Variants in DIS3L2 observed in about 807,000 individuals in gnomAD.
DIS3L2 encodes DIS3 like 3'-5' exoribonuclease 2.
DIS3L2 carries 34 observed loss-of-function variants against 97.5 expected under a neutral mutation model. That is an observed-to-expected ratio of 0.35 (90% CI 0.27 to 0.46). DIS3L2 has a LOEUF of 0.46. Among genes scored for constraint, DIS3L2 ranks in the 20% least tolerant of loss-of-function variants. DIS3L2 has a pLI of 1.00. For synonymous variants in DIS3L2, 435 were observed against 445.2 expected (o/e 0.98, Z 0.29); for missense variants, 1,038 against 1,146.0 (o/e 0.91, Z 1.36).
At chr2:232,246,291 T>C (rs1288368567) in intron 11 of DIS3L2, among the ~76,000 whole-genome samples, 1 of 152,210 alleles carries the variant, frequency 6.6e-6, no homozygotes, top group Non-Finnish European at 1.5e-5. Context: ...TCTGAAAGGA[T>C]GTACAAGAGT....
intron 14 of DIS3L2, among the ~76,000 whole-genome samples, chr2:232,312,544 G>T (rs1695165554): frequency 6.6e-6 from 1 of 152,122 alleles, no homozygotes; most frequent in African/African-American, 2.4e-5. Flanking sequence ...TTCCAACTTG[G>T]ACTTTTTCTA....
chr2:232,237,892 C>G (rs956513891), intron 10 of DIS3L2, among the ~76,000 whole-genome samples: 5 of 152,146 alleles, frequency 3.3e-5, no homozygotes, highest in African/African-American at 1.2e-4. Context: ...GAGGGAAGAT[C>G]TGTTCAGGAA....
At chr2:232,304,679 G>A (rs1694943809) in intron 14 of DIS3L2, among the ~76,000 whole-genome samples, 1 of 152,172 alleles carries the variant, frequency 6.6e-6, no homozygotes, top group African/African-American at 2.4e-5. Flanking sequence ...TAGCTGGTTG[G>A]CCTCCCGGCT....
At chr2:232,341,249 A>T (rs772935073), downstream of DIS3L2, among the ~76,000 whole-genome samples, 1 of 152,166 alleles carries the variant, frequency 6.6e-6, no homozygotes. Flanking sequence ...AGCGCTCGGG[A>T]CAGTGGTGAG....
intron 10 of DIS3L2, among the ~76,000 whole-genome samples, chr2:232,232,735 C>T (rs1276290067): frequency 6.6e-6 from 1 of 152,124 alleles, no homozygotes; most frequent in Non-Finnish European, 1.5e-5. Flanking sequence ...ACTTTGTATA[C>T]ATCAATCTGA....
At chr2:232,088,550 A>G (rs1696737729) in intron 6 of DIS3L2, among the ~76,000 whole-genome samples, 1 of 151,302 alleles carries the variant, frequency 6.6e-6, no homozygotes, top group African/African-American at 2.4e-5. Flanking sequence ...TGACAGAGTG[A>G]GACTCCGTCT....
In DIS3L2 at chr2:232,336,930, G is replaced by C. The variant is rs1249617142; in HGVS notation, c.*300G>C. ...CCCTCCTCTGCCCAGGAAATGGGGG[G>C]GTTTCAGCAACTCAGTGTCACAGAA... On this transcript the variant is annotated 3_prime_UTR_variant, in exon 21 of 21. Coordinates refer to ENST00000325385, the MANE Select transcript of DIS3L2 (RefSeq NM_152383.5). The C allele has an allele frequency of 2.5e-6, 3 of 1,220,054 alleles. No homozygotes were observed. The highest frequency in any genetic ancestry group is 1.8e-5 in the South Asian group (1 of 56,686). The allele number at this position is 1,220,054 out of a possible 1,614,324, so 75.6% of individuals were successfully genotyped here. A position where few individuals can be genotyped will look rare whatever the true frequency, so the allele number is the denominator to read the frequency against.
chr2:232,277,955 TTATGGGACCACTGGCAGA>T (rs1283538654), intron 13 of DIS3L2, among the ~76,000 whole-genome samples: 1 of 151,898 alleles, frequency 6.6e-6, no homozygotes, highest in African/African-American at 2.4e-5. Context: ...TATTCTAATC[TTATGGGACCACTGGCAGA>T]TATGGGGCCC....
chr2:232,250,203 G>A (rs1693380801), intron 12 of DIS3L2, among the ~76,000 whole-genome samples: 1 of 152,120 alleles, frequency 6.6e-6, no homozygotes, highest in Non-Finnish European at 1.5e-5. Context: ...CATGGGAAGT[G>A]TTTATACTGT....
chr2:232,334,289 C>T (rs1023321374), intron 17 of DIS3L2, 80 bp from the exon 18 acceptor site: 55 of 1,497,962 alleles, frequency 3.7e-5, no homozygotes, highest in African/African-American at 9.7e-5. Context: ...GGGGGTGCAG[C>T]GCCATGCAGC....
At chr2:232,217,224 C>A (rs1053164254) in intron 10 of DIS3L2, among the ~76,000 whole-genome samples, 1 of 152,184 alleles carries the variant, frequency 6.6e-6, no homozygotes, top group Non-Finnish European at 1.5e-5. Flanking sequence ...GCCATACCTG[C>A]TTCCACTGTG....
intron 6 of DIS3L2, among the ~76,000 whole-genome samples, chr2:232,125,248 G>A (rs1205288641): frequency 6.6e-6 from 1 of 152,224 alleles, no homozygotes; most frequent in African/African-American, 2.4e-5. Flanking sequence ...AACAGCATGT[G>A]CTTTCAAAAT....
At chr2:232,035,375 A>G (rs1269478362) in intron 5 of DIS3L2, among the ~76,000 whole-genome samples, 2 of 151,934 alleles carry the variant, frequency 1.3e-5, no homozygotes, top group Non-Finnish European at 2.9e-5. Flanking sequence ...ATCCCTTTAT[A>G]TTGAGCCTAT....
rs1223587125 is a variant in DIS3L2 at position 232,325,682 on chromosome 2, C to T, written c.1740-4131C>T. Among the ~76,000 whole-genome samples the T allele has an allele frequency of 4.6e-5, 7 of 152,192 alleles. No individual in the cohort carries two copies. Among genetic ancestry groups the T allele is most frequent in the Admixed American group, 2.6e-4 (4 of 15,292 alleles). On this transcript the variant is annotated intron_variant, in intron 14 of 20. Coordinates refer to ENST00000325385, the MANE Select transcript of DIS3L2 (RefSeq NM_152383.5). This position sits in a 1 kb window ranked among gnomAD's most constrained non-coding sequence, Gnocchi z 4.6. ...GCTGATGCCAGGCCTGGATCCAAGG[C>T]CCCCGTCTCCGAGGCCTTAGCTTGC...
At chr2:232,295,653 A>T (rs1031795466) in intron 13 of DIS3L2, among the ~76,000 whole-genome samples, 3 of 152,172 alleles carry the variant, frequency 2.0e-5, no homozygotes, top group African/African-American at 7.2e-5. Context: ...CATTTCATGA[A>T]TCTTGCCTCT....
chr2:232,218,678 A>G (rs1470725022), intron 10 of DIS3L2, among the ~76,000 whole-genome samples: 1 of 152,232 alleles, frequency 6.6e-6, no homozygotes, highest in Non-Finnish European at 1.5e-5. Context: ...CCAAGGTTTT[A>G]CAAAGTAATC....
intron 1 of DIS3L2, among the ~76,000 whole-genome samples, chr2:231,980,860 T>G (rs999890990): frequency 9.2e-5 from 14 of 152,216 alleles, no homozygotes; most frequent in Non-Finnish European, 1.9e-4. Flanking sequence ...AGGTCCCTTT[T>G]ATGTTTTCAG....
intron 9 of DIS3L2, among the ~76,000 whole-genome samples, chr2:232,181,705 C>G (rs555862392): frequency 6.6e-6 from 1 of 152,120 alleles, no homozygotes; most frequent in African/African-American, 2.4e-5. Context: ...GTGGTGCGAT[C>G]TCAGCTCACT....
intron 9 of DIS3L2, among the ~76,000 whole-genome samples, chr2:232,207,105 A>AT (rs1463220456): frequency 6.6e-6 from 1 of 152,122 alleles, no homozygotes; most frequent in South Asian, 2.1e-4. Flanking sequence ...CTAGGGGAAC[A>AT]TTTTTTTGGC....
Sources: allele counts gnomAD v4.1 joint callset (sites outside exome capture counted in the v4.1 genomes callset), GRCh38; gene constraint gnomAD v4.1.1; non-coding constraint Gnocchi (gnomAD v3.1); transcripts MANE v1.5; gene names NCBI Gene and HGNC (gene_info 2026-07-23, HGNC 2026-07-21).